The following CCDC141 variants were observed in gnomAD, a reference collection of about 807,000 sequenced individuals.
CCDC141 encodes coiled-coil domain containing 141.
Under a neutral mutation model 181.0 loss-of-function variants are expected in CCDC141, and 168 were observed. The ratio of observed to expected loss-of-function variants is 0.93; its 90% confidence interval spans 0.82 to 1.05. CCDC141 has a LOEUF of 1.05. Among genes scored for constraint, CCDC141 ranks in the 50% least tolerant of loss-of-function variants. The pLI is 0.00. For synonymous variants in CCDC141, 666 were observed against 642.3 expected (o/e 1.04, Z -0.56); for missense variants, 1,902 against 1,788.5 (o/e 1.06, Z -1.14).
chr2:179,016,521 G>T (rs1015267467), intron 2 of CCDC141, among the ~76,000 whole-genome samples: 8 of 151,988 alleles, frequency 5.3e-5, no homozygotes, highest in African/African-American at 1.7e-4. Context: ...TGCTAAGAAT[G>T]GTCCATCTTC....
intron 6 of CCDC141, among the ~76,000 whole-genome samples, chr2:178,921,138 T>C (rs1466440184): frequency 6.6e-6 from 1 of 152,226 alleles, no homozygotes; most frequent in Non-Finnish European, 1.5e-5. Context: ...GCAGCACTCT[T>C]AAGCATGGAT....
chr2:178,891,990 G>A (rs1558959653), intron 8 of CCDC141, among the ~76,000 whole-genome samples: 1 of 152,070 alleles, frequency 6.6e-6, no homozygotes, highest in Non-Finnish European at 1.5e-5. Flanking sequence ...AAATAAAATA[G>A]TCTCTGGTCA....
intron 7 of CCDC141, among the ~76,000 whole-genome samples, chr2:178,906,294 C>T (rs538942363): frequency 6.6e-6 from 1 of 152,280 alleles, no homozygotes; most frequent in East Asian, 1.9e-4. Context: ...GAGTTAGCCA[C>T]TGGGCCATTA....
chr2:178,890,464 C>T (rs1365336097), intron 8 of CCDC141, among the ~76,000 whole-genome samples: 3 of 152,168 alleles, frequency 2.0e-5, no homozygotes, highest in African/African-American at 7.2e-5. Flanking sequence ...CCAGCTCCAG[C>T]CAAGCCTCTT....
rs190446295 is a variant in CCDC141, at chr2:178,918,842, G to A, written c.963C>T (p.Tyr321=). ...AGAGCTGGAGGTGTTCTTTCTCCAC[G>A]TAGTCCTTTGACAGCAGAATTCTCA... is the stretch of plus-strand genomic sequence containing the variant. ...EALRILLSKD[Y]VEKEHLQLSH... Residue 321 remains tyrosine (Y), a synonymous_variant, in exon 7 of 24, where the codon TAC becomes TAT. Coordinates refer to ENST00000443758, the MANE Select transcript of CCDC141 (RefSeq NM_173648.4). The A allele has an allele frequency of 1.2e-4, 192 of 1,550,556 alleles. 1 individual carries two copies. In the Middle Eastern group the frequency reaches 3.0e-3, roughly 24 times the overall value.
intron 11 of CCDC141, among the ~76,000 whole-genome samples, chr2:178,878,673 T>G (rs1402411913): frequency 6.6e-6 from 1 of 152,126 alleles, no homozygotes; most frequent in Non-Finnish European, 1.5e-5. Context: ...TTGAAAAGAT[T>G]CAAAAAATCT....
At position 178,872,298 on chromosome 2, in the gene CCDC141, C is replaced by A. The variant is rs1387493986; in HGVS notation, c.1914G>T (p.Glu638Asp). 6.2e-7 allele frequency: 1 copy of A among 1,611,276 alleles called. No individual in the cohort carries two copies. Among genetic ancestry groups the A allele is most frequent in the Non-Finnish European group, 8.5e-7 (1 of 1,179,088 alleles). ...ACACTTCATTTTTCACATCTAATATCTCGTTCTCTTTTGCCTGTTAAATTA... is the reference window on the plus strand; with the variant it reads ...ACACTTCATTTTTCACATCTAATATATCGTTCTCTTTTGCCTGTTAAATTA... ...LNLINMAKENEILDVKNEVYL... is the reference protein window; with the variant it reads ...LNLINMAKENDILDVKNEVYL... Residue 638 changes from glutamate to aspartate, a missense_variant, in exon 13 of 24, where the codon GAG (glutamate) becomes GAT (aspartate). Transcript: ENST00000443758.
chr2:178,998,606 C>T (rs983096917), intron 2 of CCDC141, among the ~76,000 whole-genome samples: 4 of 152,084 alleles, frequency 2.6e-5, no homozygotes, highest in African/African-American at 9.7e-5. Context: ...CGCCAGTAAT[C>T]TTTATTTAAT....
chr2:178,848,391 C>T (rs1335032026), intron 21 of CCDC141, among the ~76,000 whole-genome samples: 7 of 152,166 alleles, frequency 4.6e-5, no homozygotes, highest in East Asian at 1.9e-4. Context: ...GTGAAGATGA[C>T]ACTAGCAGAA....
At chr2:178,928,568 A>T (rs1205617150) in intron 6 of CCDC141, among the ~76,000 whole-genome samples, 1 of 152,178 alleles carries the variant, frequency 6.6e-6, no homozygotes, top group Non-Finnish European at 1.5e-5. Context: ...GGAAAAAAAA[A>T]GATATATGAG....
rs546566844 is a variant in CCDC141 at position 178,871,850 on chromosome 2, A to G, written c.2079+283T>C. Among the ~76,000 whole-genome samples, 43 of 152,270 alleles carry G rather than the reference A, an allele frequency of 2.8e-4. No individual in the cohort carries two copies. In the South Asian group the frequency reaches 3.7e-3, roughly 13 times the overall value. ...TTCACATCAATGTGCAATCAACATC[A>G]CCACCAACCACCTCCAGAACTTGTT... On this transcript the variant is annotated intron_variant, in intron 13 of 23. Coordinates refer to ENST00000443758, the MANE Select transcript of CCDC141 (RefSeq NM_173648.4).
intron 17 of CCDC141, among the ~76,000 whole-genome samples, chr2:178,863,393 G>T (rs1348508965): frequency 6.6e-6 from 1 of 152,076 alleles, no homozygotes; most frequent in Non-Finnish European, 1.5e-5. Context: ...TAGTCCTCTG[G>T]CATGTTATCT....
intron 4 of CCDC141, among the ~76,000 whole-genome samples, chr2:178,966,740 C>T (rs528473578): frequency 1.6e-4 from 24 of 151,962 alleles, no homozygotes; most frequent in Middle Eastern, 3.4e-3. Flanking sequence ...CAAAACTGGA[C>T]GGAGAATGAG....
intron 19 of CCDC141, among the ~76,000 whole-genome samples, chr2:178,854,187 G>A (rs891424268): frequency 2.6e-5 from 4 of 152,188 alleles, no homozygotes; most frequent in African/African-American, 4.8e-5. Flanking sequence ...GTAGAAAATG[G>A]TTATAGTTTC....
chr2:179,003,725 G>A (rs1165014305), intron 2 of CCDC141, among the ~76,000 whole-genome samples: 1 of 152,088 alleles, frequency 6.6e-6, no homozygotes, highest in Non-Finnish European at 1.5e-5. Context: ...ATGTCTACAT[G>A]GAATGCCAAT....
In CCDC141 at chr2:178,936,721, C is replaced by A. The variant is rs1412299324; in HGVS notation, c.897+7814G>T. 3.3e-5 allele frequency among the ~76,000 whole-genome samples: 5 copies of A among 152,054 alleles called. No individual in the cohort carries two copies. In the East Asian group the frequency reaches 7.7e-4, roughly 23 times the overall value. On this transcript the variant is annotated intron_variant, in intron 6 of 23. Coordinates refer to ENST00000443758, the MANE Select transcript of CCDC141 (RefSeq NM_173648.4). Reference sequence around the variant, plus strand: ...TTTTAATGATATTCATTCTTCCTATCCATGAGTATGGAATGTGTTTCCATT... The same window carrying A: ...TTTTAATGATATTCATTCTTCCTATACATGAGTATGGAATGTGTTTCCATT...
At chr2:179,016,951 A>C (rs1451544130) in intron 2 of CCDC141, among the ~76,000 whole-genome samples, 1 of 152,080 alleles carries the variant, frequency 6.6e-6, no homozygotes, top group African/African-American at 2.4e-5. Context: ...TATATTCCCT[A>C]TGTGGGTCAC....
intron 2 of CCDC141, among the ~76,000 whole-genome samples, chr2:178,979,985 T>A (rs1258083674): frequency 6.6e-6 from 1 of 152,110 alleles, no homozygotes; most frequent in Non-Finnish European, 1.5e-5. Context: ...AATCTCAACA[T>A]CTAGGACTAA....
intron 2 of CCDC141, among the ~76,000 whole-genome samples, chr2:179,043,707 G>A (rs972694643): frequency 5.3e-5 from 8 of 152,232 alleles, no homozygotes; most frequent in African/African-American, 7.2e-5. Context: ...TGACAAACCC[G>A]CATCCAGTAT....
Sources: allele counts gnomAD v4.1 joint callset (sites outside exome capture counted in the v4.1 genomes callset), GRCh38; gene constraint gnomAD v4.1.1; transcripts MANE v1.5; gene names NCBI Gene and HGNC (gene_info 2026-07-23, HGNC 2026-07-21).